The following FBXL17 variants were observed in gnomAD, a reference collection of about 807,000 sequenced individuals.
The protein encoded by FBXL17 is F-box and leucine rich repeat protein 17.
Under a neutral mutation model 66.2 loss-of-function variants are expected in FBXL17, and 22 were observed. The ratio of observed to expected loss-of-function variants is 0.33; its 90% CI spans 0.24 to 0.47. The LOEUF (loss-of-function observed/expected upper bound fraction) is 0.47. Among genes scored for constraint, FBXL17 ranks in the 20% least tolerant of loss-of-function variants. FBXL17 has a pLI of 1.00. For missense variants in FBXL17, 878 were observed against 948.2 expected (o/e 0.93, Z 0.97); for synonymous variants, 474 against 400.5 (o/e 1.18, Z -2.19).
chr5:108,168,942 T>C (rs555227612), intron 6 of FBXL17, among the ~76,000 whole-genome samples: 7 of 152,328 alleles, frequency 4.6e-5, no homozygotes, highest in African/African-American at 1.7e-4. Context: ...GTAAAATATA[T>C]GTGCATCCCA....
At chr5:108,153,194 G>A (rs1191940654) in intron 6 of FBXL17, among the ~76,000 whole-genome samples, 3 of 152,174 alleles carry the variant, frequency 2.0e-5, no homozygotes, top group African/African-American at 4.8e-5. Context: ...TCTTGGGTAT[G>A]TCTTTATTAG....
intron 6 of FBXL17, among the ~76,000 whole-genome samples, chr5:108,155,882 G>A (rs1371537211): frequency 6.6e-6 from 1 of 152,024 alleles, no homozygotes; most frequent in Non-Finnish European, 1.5e-5. Context: ...ATCCTTCTCT[G>A]CATTTTGCTT....
chr5:108,210,501 G>C (rs138430500), intron 5 of FBXL17, among the ~76,000 whole-genome samples: 2 of 152,066 alleles, frequency 1.3e-5, no homozygotes, highest in Non-Finnish European at 2.9e-5. Context: ...AGAGATTCTG[G>C]TATGTTGTGT....
intron 6 of FBXL17, among the ~76,000 whole-genome samples, chr5:108,158,419 A>G (rs577193345): frequency 4.6e-5 from 7 of 152,268 alleles, no homozygotes; most frequent in South Asian, 2.1e-4. Context: ...ACTAGGAAGT[A>G]GTGTGTCTTA....
chr5:108,124,682 G>A (rs1010235541), intron 6 of FBXL17, among the ~76,000 whole-genome samples: 1 of 151,932 alleles, frequency 6.6e-6, no homozygotes, highest in Non-Finnish European at 1.5e-5. Flanking sequence ...AGCATAAACA[G>A]TTTGACAGTA....
intron 7 of FBXL17, among the ~76,000 whole-genome samples, chr5:108,008,653 G>A (rs1754028151): frequency 2.0e-5 from 3 of 152,116 alleles, no homozygotes. Flanking sequence ...ATAATTTAAA[G>A]TTTCAAATAT....
intron 3 of FBXL17, among the ~76,000 whole-genome samples, chr5:108,350,610 T>A (rs1298493440): frequency 6.6e-6 from 1 of 152,170 alleles, no homozygotes; most frequent in East Asian, 1.9e-4. Context: ...ATAAACTTCA[T>A]AGAAAGGATT....
rs575874574 is a variant in FBXL17 at position 108,259,077 on chromosome 5, A to G, written c.1507-34849T>C. Among the ~76,000 whole-genome samples, 16 of 152,238 alleles carry G rather than the reference A, an allele frequency of 1.1e-4. No homozygotes were observed. In the South Asian group the frequency reaches 3.3e-3, roughly 32 times the overall value. On this transcript the variant is annotated intron_variant, in intron 4 of 8. Transcript: ENST00000542267. ...GTGGCAGGTTTTTTCTCCCTTGAAC[A>G]ATAAGTCTTCGGCGACTATCAGCTA...
chr5:108,191,403 C>A lies in FBXL17; in HGVS notation c.1615-5156G>T, dbSNP rs558075060. 2.5e-3 allele frequency among the ~76,000 whole-genome samples: 381 copies of A among 152,282 alleles called. 2 individuals carry two copies. The highest frequency in any genetic ancestry group is 3.9e-3 in the Non-Finnish European group (267 of 68,020). ...TGTACATTTTACATGGTTAAAATAG[C>A]ACATTCTATGTTATGTACATTTTAC... On this transcript the variant is annotated intron_variant, in intron 5 of 8. Coordinates refer to ENST00000542267, the MANE Select transcript of FBXL17 (RefSeq NM_001163315.3).
intron 5 of FBXL17, among the ~76,000 whole-genome samples, chr5:108,220,672 A>C (rs938227698): frequency 2.6e-5 from 4 of 152,094 alleles, no homozygotes; most frequent in African/African-American, 9.7e-5. Context: ...ATCCCAGCCT[A>C]AGTCAGTAGG....
intron 7 of FBXL17, among the ~76,000 whole-genome samples, chr5:107,998,935 G>GTT (rs1753597033): frequency 6.6e-6 from 1 of 152,104 alleles, no homozygotes; most frequent in Non-Finnish European, 1.5e-5. Context: ...CTCATCTCAG[G>GTT]TAATTCTCCA....
chr5:108,188,680 A>G (rs1231684148), intron 5 of FBXL17, among the ~76,000 whole-genome samples: 1 of 152,160 alleles, frequency 6.6e-6, no homozygotes, highest in Non-Finnish European at 1.5e-5. Context: ...GACCAGTCAG[A>G]ACCTTGGTCA....
chr5:108,032,636 G>C (rs989732324), intron 6 of FBXL17, among the ~76,000 whole-genome samples: 4 of 152,156 alleles, frequency 2.6e-5, no homozygotes, highest in Non-Finnish European at 5.9e-5. Context: ...AATTCCTGTA[G>C]CTATCAGAAG....
intron 6 of FBXL17, among the ~76,000 whole-genome samples, chr5:108,036,640 T>C (rs1394247882): frequency 6.6e-6 from 1 of 152,172 alleles, no homozygotes; most frequent in Non-Finnish European, 1.5e-5. Flanking sequence ...GTGACCATTG[T>C]ATGAAGTATG....
chr5:108,282,911 A>T (rs9885545), intron 4 of FBXL17, among the ~76,000 whole-genome samples: 110,870 of 148,466 alleles, frequency 0.75, 41,703 homozygotes, highest in East Asian at 0.92. Flanking sequence ...TTATAATAGC[A>T]ACAAAAAAAA....
chr5:107,976,647 A>T (rs1197302040), intron 7 of FBXL17, among the ~76,000 whole-genome samples: 1 of 152,210 alleles, frequency 6.6e-6, no homozygotes, highest in South Asian at 2.1e-4. Flanking sequence ...CATGTGAGAT[A>T]TGAGTAGAAA....
chr5:108,322,993 T>C (rs1381734832), intron 4 of FBXL17, among the ~76,000 whole-genome samples: 3 of 151,916 alleles, frequency 2.0e-5, no homozygotes, highest in African/African-American at 4.8e-5. Flanking sequence ...CCACAGCTAA[T>C]AACATATTCA....
chr5:107,885,298 T>C (rs1001607202), intron 7 of FBXL17, among the ~76,000 whole-genome samples: 1 of 152,332 alleles, frequency 6.6e-6, no homozygotes, highest in Middle Eastern at 3.4e-3. Flanking sequence ...ATGAAGGGTA[T>C]ACACTAACCC....
chr5:108,029,339 A>G (rs1308159244), intron 6 of FBXL17, among the ~76,000 whole-genome samples: 6 of 152,142 alleles, frequency 3.9e-5, no homozygotes, highest in Non-Finnish European at 2.9e-5. Flanking sequence ...GAGAAGAATC[A>G]CACAAGCTTG....
Sources: gnomAD v4.1 joint callset for allele counts (sites outside exome capture counted in the v4.1 genomes callset) on GRCh38, gnomAD v4.1.1 for gene constraint, MANE v1.5 for transcripts, NCBI Gene and HGNC (gene_info 2026-07-23, HGNC 2026-07-21) for gene names.